The following PLCB4 variants were observed in gnomAD, a reference collection of about 807,000 sequenced individuals.
PLCB4 encodes the protein 1-phosphatidylinositol 4,5-bisphosphate phosphodiesterase beta-4.
In PLCB4, 77 loss-of-function variants were observed where a neutral mutation model predicts 178.8. The ratio of observed to expected loss-of-function variants is 0.43; its 90% CI spans 0.36 to 0.52. The LOEUF is 0.52. PLCB4 is among the 20% of genes least tolerant of loss of function. The probability of loss-of-function intolerance (pLI) is 0.00; values close to 1 mark genes in which losing one functional copy is unlikely to be tolerated. For synonymous variants in PLCB4, 496 were observed against 490.8 expected (o/e 1.01, Z -0.14); for missense variants, 1,024 against 1,453.4 (o/e 0.70, Z 4.80).
intron 2 of PLCB4, among the ~76,000 whole-genome samples, chr20:9,173,305 T>C (rs1040413088): frequency 6.6e-6 from 1 of 152,218 alleles, no homozygotes; most frequent in Non-Finnish European, 1.5e-5. Context: ...GTGTTACTAG[T>C]TGCCAACTTT....
chr20:9,195,955 T>C (rs1379520928), intron 2 of PLCB4, among the ~76,000 whole-genome samples: 1 of 152,132 alleles, frequency 6.6e-6, no homozygotes, highest in Non-Finnish European at 1.5e-5. Flanking sequence ...GTTTTGGAGA[T>C]AAAGTTAGCC....
At chr20:9,205,006 A>G (rs1434146239) in intron 2 of PLCB4, among the ~76,000 whole-genome samples, 1 of 152,250 alleles carries the variant, frequency 6.6e-6, no homozygotes, top group East Asian at 1.9e-4. Context: ...AATAAAATAC[A>G]GACAGTTCTT....
At chr20:9,091,561 T>G (rs2146573349) in intron 1 of PLCB4, among the ~76,000 whole-genome samples, 1 of 151,862 alleles carries the variant, frequency 6.6e-6, no homozygotes, top group Middle Eastern at 3.4e-3. Flanking sequence ...GTCTGTCTTT[T>G]GCTAGAAAAG....
chr20:9,089,917 C>CAAAAGGTTAAGTAGGACAA (rs1312117195), intron 1 of PLCB4, among the ~76,000 whole-genome samples: 3 of 152,036 alleles, frequency 2.0e-5, no homozygotes, highest in African/African-American at 7.2e-5. Context: ...GGGTTAAATG[C>CAAAAGGTTAAGTAGGACAA]AAGGGAGATG....
At chr20:9,196,423 C>G (rs1364743238) in intron 2 of PLCB4, among the ~76,000 whole-genome samples, 1 of 152,138 alleles carries the variant, frequency 6.6e-6, no homozygotes, top group Non-Finnish European at 1.5e-5. Context: ...TTATCTTAGA[C>G]TTTGATGAAG....
chr20:9,293,471 A>T (rs80279837), intron 3 of PLCB4, among the ~76,000 whole-genome samples: 4,756 of 151,600 alleles, frequency 0.031, 225 homozygotes, highest in African/African-American at 0.1. Flanking sequence ...CTCTGTCAGA[A>T]AGAGAGAAAG....
chr20:9,383,144 C>T (rs2327180), intron 13 of PLCB4, among the ~76,000 whole-genome samples: 4,372 of 152,134 alleles, frequency 0.029, 209 homozygotes, highest in African/African-American at 0.099. Flanking sequence ...CCAAACTACC[C>T]GTTGTTTGGA....
At chr20:9,434,525 G>A (rs779298314) in intron 28 of PLCB4, among the ~76,000 whole-genome samples, 9 of 151,998 alleles carry the variant, frequency 5.9e-5, no homozygotes, top group East Asian at 1.9e-4. Flanking sequence ...ACAGGCATGC[G>A]CCACCAAGCC....
rs998232147 is a variant in PLCB4, at chr20:9,297,257, A to G, written c.-15-10543A>G. On this transcript the variant is annotated intron_variant, in intron 3 of 39. Coordinates refer to ENST00000378473, the MANE Select transcript of PLCB4 (RefSeq NM_001377142.1). Reference sequence around the variant, plus strand: ...CTAGCGGTCACTTCTGTAATTCACTACTATAAAAATGATTAATATGTGTGT... The same window carrying G: ...CTAGCGGTCACTTCTGTAATTCACTGCTATAAAAATGATTAATATGTGTGT... Among the ~76,000 whole-genome samples the G allele has an allele frequency of 2.6e-5, 4 of 151,958 alleles. No individual in the cohort carries two copies. The South Asian group carries it at 6.2e-4, about 24-fold the overall frequency.
At chr20:9,282,349 C>T (rs1190827030) in intron 3 of PLCB4, among the ~76,000 whole-genome samples, 2 of 151,876 alleles carry the variant, frequency 1.3e-5, no homozygotes, top group Non-Finnish European at 2.9e-5. Flanking sequence ...ATAAGGTTGA[C>T]GTATTTGTGT....
At position 9,455,002 on chromosome 20, in the gene PLCB4, G is replaced by A. The variant is rs189948271; in HGVS notation, c.2996+1540G>A. 4.1e-4 allele frequency among the ~76,000 whole-genome samples: 63 copies of A among 152,244 alleles called. 1 individual carries two copies. The highest frequency in any genetic ancestry group is 1.4e-3 in the African/African-American group (57 of 41,540). ...AGTGAGTAAGTGAGTCACCCACCTC[G>A]GAGCTCATGTGGCAATATTGGTAGT... On this transcript the variant is annotated intron_variant, in intron 33 of 39. Coordinates refer to ENST00000378473, the MANE Select transcript of PLCB4 (RefSeq NM_001377142.1).
chr20:9,093,952 A>G (rs2064845), intron 1 of PLCB4, among the ~76,000 whole-genome samples: 133,318 of 152,108 alleles, frequency 0.88, 58,873 homozygotes, highest in East Asian at 1. Context: ...TGTCTGTTTC[A>G]CAGTGACAGA....
At chr20:9,280,714 TC>T (rs1231543892) in intron 3 of PLCB4, among the ~76,000 whole-genome samples, 1 of 151,952 alleles carries the variant, frequency 6.6e-6, no homozygotes, top group Non-Finnish European at 1.5e-5. Context: ...GAAATTTCAC[TC>T]GGTGAGGAAA....
intron 30 of PLCB4, among the ~76,000 whole-genome samples, chr20:9,441,441 C>T (rs1403690473): frequency 6.6e-6 from 1 of 152,062 alleles, no homozygotes; most frequent in Non-Finnish European, 1.5e-5. Flanking sequence ...TTTGAGTCAC[C>T]CCAAAGACCC....
chr20:9,374,241 C>T (rs1345142726), intron 12 of PLCB4, among the ~76,000 whole-genome samples: 2 of 152,158 alleles, frequency 1.3e-5, no homozygotes, highest in Admixed American at 6.5e-5. Flanking sequence ...CAGACAGATG[C>T]CTCTAAAATA....
intron 32 of PLCB4, among the ~76,000 whole-genome samples, chr20:9,447,400 C>T (rs994620749): frequency 2.6e-5 from 4 of 152,176 alleles, no homozygotes; most frequent in African/African-American, 7.2e-5. Flanking sequence ...ACCACTTCCT[C>T]TCTGCTTTAT....
intron 2 of PLCB4, among the ~76,000 whole-genome samples, chr20:9,156,860 C>A (rs1291309737): frequency 7.8e-6 from 1 of 128,140 alleles, no homozygotes; most frequent in African/African-American, 3.0e-5. Context: ...TCCCTTCCTT[C>A]CTTCCTTCCT....
At chr20:9,245,079 G>A (rs750530835) in intron 3 of PLCB4, among the ~76,000 whole-genome samples, 3 of 152,240 alleles carry the variant, frequency 2.0e-5, no homozygotes, top group South Asian at 4.2e-4. Context: ...GCCATGTGCC[G>A]CTTATCATCC....
chr20:9,068,823 G>A, upstream of PLCB4: 1 of 150,910 alleles, frequency 6.6e-6, no homozygotes, highest in Non-Finnish European at 1.5e-5. Context: ...GACGCGCAGG[G>A]CCCGGCGGTG....
Sources: gnomAD v4.1 joint callset for allele counts (sites outside exome capture counted in the v4.1 genomes callset) on GRCh38, gnomAD v4.1.1 for gene constraint, MANE v1.5 for transcripts, NCBI Gene and HGNC (gene_info 2026-07-23, HGNC 2026-07-21) for gene names.